Variants in DLGAP1 observed in about 807,000 individuals in gnomAD.
DLGAP1 encodes disks large-associated protein 1.
A neutral mutation model predicts 90.8 loss-of-function variants in DLGAP1; 11 were observed. That is an observed-to-expected ratio of 0.12 (90% CI 0.08 to 0.20). The LOEUF (loss-of-function observed/expected upper bound fraction) is 0.20, where lower values mean the gene tolerates loss of function less well. Among genes scored for constraint, DLGAP1 ranks in the 10% least tolerant of loss-of-function variants. DLGAP1 has a pLI of 1.00. For missense variants in DLGAP1, 1,050 were observed against 1,333.8 expected (o/e 0.79, Z 3.31); for synonymous variants, 558 against 540.7 (o/e 1.03, Z -0.44).
At chr18:3,860,037 T>C (rs2069932773) in intron 4 of DLGAP1, among the ~76,000 whole-genome samples, 1 of 150,690 alleles carries the variant, frequency 6.6e-6, no homozygotes, top group South Asian at 2.1e-4. Context: ...AGGTGGAGCT[T>C]GCAGTGAGCC....
At chr18:4,256,307 G>C (rs1467732471) in intron 1 of DLGAP1, among the ~76,000 whole-genome samples, 1 of 152,210 alleles carries the variant, frequency 6.6e-6, no homozygotes, top group Admixed American at 6.5e-5. Flanking sequence ...GGCTTAGGTG[G>C]AAGTATTGCT....
chr18:4,209,275 G>C (rs954363736), intron 1 of DLGAP1, among the ~76,000 whole-genome samples: 2 of 152,100 alleles, frequency 1.3e-5, no homozygotes. Flanking sequence ...GACTGAACTG[G>C]AGCCATGCAA....
chr18:3,765,322 G>T (rs1187910458), intron 5 of DLGAP1, among the ~76,000 whole-genome samples: 1 of 149,742 alleles, frequency 6.7e-6, no homozygotes, highest in African/African-American at 2.5e-5. Flanking sequence ...AGTAGAGATG[G>T]GGTTTCACCA....
intron 3 of DLGAP1, among the ~76,000 whole-genome samples, chr18:4,002,015 T>C (rs2074196565): frequency 7.7e-6 from 1 of 130,264 alleles, no homozygotes; most frequent in Non-Finnish European, 1.6e-5. Context: ...ATCTCACCAG[T>C]AGTTTATTAC....
At chr18:4,311,851 GA>G (rs2080407158) in intron 1 of DLGAP1, among the ~76,000 whole-genome samples, 1 of 152,158 alleles carries the variant, frequency 6.6e-6, no homozygotes, top group African/African-American at 2.4e-5. Flanking sequence ...GAGTAGCTGG[GA>G]TTACAGGTGC....
intron 3 of DLGAP1, among the ~76,000 whole-genome samples, chr18:3,968,635 C>T (rs944623037): frequency 1.3e-5 from 2 of 152,146 alleles, no homozygotes; most frequent in East Asian, 1.9e-4. Flanking sequence ...AGAGAGAACA[C>T]AGTAATATTT....
intron 1 of DLGAP1, among the ~76,000 whole-genome samples, chr18:4,409,837 G>GA (rs1260590842): frequency 1.3e-5 from 2 of 151,840 alleles, no homozygotes; most frequent in African/African-American, 4.8e-5. Flanking sequence ...GTCCTTATTT[G>GA]AAAAAAGATA....
chr18:3,751,808 C>T (rs1598591327), intron 5 of DLGAP1, among the ~76,000 whole-genome samples: 1 of 150,716 alleles, frequency 6.6e-6, no homozygotes, highest in East Asian at 1.9e-4. Context: ...CGTGATCTGC[C>T]TGCCTTGGCC....
intron 2 of DLGAP1, among the ~76,000 whole-genome samples, chr18:4,112,448 C>T (rs576186604): frequency 4.6e-5 from 7 of 152,022 alleles, no homozygotes; most frequent in Admixed American, 2.0e-4. Flanking sequence ...TTATACTGTT[C>T]GAGTTTTTGA....
chr18:3,858,506 ATATATACACG>A (rs2069808573), intron 4 of DLGAP1, among the ~76,000 whole-genome samples: 4 of 149,324 alleles, frequency 2.7e-5, no homozygotes, highest in South Asian at 2.1e-4. Flanking sequence ...ATATATACAT[ATATATACACG>A]TATATATATA....
At chr18:4,348,042 A>G (rs1404388866) in intron 1 of DLGAP1, among the ~76,000 whole-genome samples, 1 of 152,158 alleles carries the variant, frequency 6.6e-6, no homozygotes, top group Non-Finnish European at 1.5e-5. Flanking sequence ...AACCACAGTG[A>G]AGGGGATGGG....
intron 3 of DLGAP1, among the ~76,000 whole-genome samples, chr18:3,897,964 T>G (rs1253838934): frequency 6.6e-6 from 1 of 151,548 alleles, no homozygotes; most frequent in Non-Finnish European, 1.5e-5. Context: ...CCGGCTAATT[T>G]TTTGTATTTT....
At position 3,534,298 on chromosome 18, in the gene DLGAP1, T is replaced by C; in HGVS notation, c.2375A>G (p.Asp792Gly). ...EAVQRSVCHR[D>G]GHWFLKLLQA... ...GAGAAGCTTCAGGAACCAGTGGCCA[T>C]CCCGGTGGCACACTGACCTTTGCAC... The change falls in exon 10 of 13, where the codon GAT (aspartate) becomes GGT (glycine). Residue 792 changes from aspartate to glycine, a missense_variant. Asp to Gly is a moderately conservative substitution (Grantham distance 94). Coordinates refer to ENST00000315677, the MANE Select transcript of DLGAP1 (RefSeq NM_004746.4). 1 of 1,614,176 alleles carries C rather than the reference T, an allele frequency of 6.2e-7. No homozygotes were observed. The highest frequency in any genetic ancestry group is 8.5e-7 in the Non-Finnish European group (1 of 1,180,032).
intron 8 of DLGAP1, among the ~76,000 whole-genome samples, chr18:3,574,141 T>A (rs1376928335): frequency 6.6e-6 from 1 of 152,240 alleles, no homozygotes; most frequent in African/African-American, 2.4e-5. Flanking sequence ...CATATACTAT[T>A]CTCATTCCTA....
At chr18:3,811,168 T>A (rs1369984559) in intron 5 of DLGAP1, among the ~76,000 whole-genome samples, 1 of 152,166 alleles carries the variant, frequency 6.6e-6, no homozygotes, top group Non-Finnish European at 1.5e-5. Flanking sequence ...AGGTTTAATG[T>A]GTAGACTGTA....
intron 1 of DLGAP1, among the ~76,000 whole-genome samples, chr18:4,198,949 T>C (rs2077556502): frequency 6.6e-6 from 1 of 152,210 alleles, no homozygotes; most frequent in African/African-American, 2.4e-5. Context: ...GAGGTGTGCA[T>C]TGTAGTGGGT....
chr18:3,702,505 C>A (rs1364945089), intron 7 of DLGAP1, among the ~76,000 whole-genome samples: 1 of 152,198 alleles, frequency 6.6e-6, no homozygotes. Context: ...AGGGGAGAGC[C>A]TGGCAGGGTT....
At position 3,530,744 on chromosome 18, in the gene DLGAP1, C is replaced by G. The variant is rs114285187; in HGVS notation, c.2479+3450G>C. Among the ~76,000 whole-genome samples, 1,130 of 152,342 alleles carry G rather than the reference C, an allele frequency of 7.4e-3. 16 individuals carry two copies. Among genetic ancestry groups the G allele is most frequent in the African/African-American group, 0.026 (1,065 of 41,568 alleles). On this transcript the variant is annotated intron_variant, in intron 10 of 12. Coordinates refer to ENST00000315677, the MANE Select transcript of DLGAP1 (RefSeq NM_004746.4). ...ACCTAATTGTGCTTGGGGGTCAACA[C>G]TCAGGTGAGTCTGCAGTGGCACTAA...
At chr18:3,984,856 G>C (rs2073810901) in intron 3 of DLGAP1, among the ~76,000 whole-genome samples, 1 of 152,046 alleles carries the variant, frequency 6.6e-6, no homozygotes, top group Non-Finnish European at 1.5e-5. Flanking sequence ...AGCCGGTTCT[G>C]AAGGCCCTGG....
Sources: gnomAD v4.1 joint callset for allele counts (sites outside exome capture counted in the v4.1 genomes callset) on GRCh38, gnomAD v4.1.1 for gene constraint, MANE v1.5 for transcripts, NCBI Gene and HGNC (gene_info 2026-07-23, HGNC 2026-07-21) for gene names.